Variants in CNNM4 observed in about 807,000 individuals in gnomAD.
CNNM4 encodes metal transporter CNNM4.
A neutral mutation model predicts 53.7 loss-of-function variants in CNNM4; 32 were observed. The ratio of observed to expected loss-of-function variants is 0.60; its 90% CI spans 0.45 to 0.80. The LOEUF (loss-of-function observed/expected upper bound fraction) is 0.80, where lower values mean the gene tolerates loss of function less well. Among genes scored for constraint, CNNM4 ranks in the 30% least tolerant of loss-of-function variants. The probability of loss-of-function intolerance (pLI) is 0.00; values close to 1 mark genes in which losing one functional copy is unlikely to be tolerated. For synonymous variants in CNNM4, 410 were observed against 440.0 expected (o/e 0.93, Z 0.85); for missense variants, 784 against 1,022.0 (o/e 0.77, Z 3.17).
rs56190267 is a variant in CNNM4, at chr2:96,762,163, C to T, written c.1164C>T (p.Ser388=). ...TCCAGGACTGCTTCATGATCCGCAGCGATGCCATCCTGGACTTCAACACCA... is the reference window on the plus strand; with the variant it reads ...TCCAGGACTGCTTCATGATCCGCAGTGATGCCATCCTGGACTTCAACACCA... ...TQLQDCFMIR[S]DAILDFNTMS... Residue 388 remains serine (S), a synonymous_variant, in exon 1 of 7, where the codon AGC becomes AGT. Coordinates refer to ENST00000377075, the MANE Select transcript of CNNM4 (RefSeq NM_020184.4). The T allele has an allele frequency of 3.1e-6, 5 of 1,614,154 alleles. No homozygotes were observed. In the East Asian group the frequency reaches 1.1e-4, roughly 36 times the overall value.
chr2:96,772,944 C>T (rs1003736880), intron 1 of CNNM4, among the ~76,000 whole-genome samples: 1 of 151,876 alleles, frequency 6.6e-6, no homozygotes, highest in Admixed American at 6.6e-5. Context: ...CACAAAGGCA[C>T]AGGCAGGTGC....
At position 96,797,438 on chromosome 2, in the gene CNNM4, C is replaced by T; in HGVS notation, c.1547-75C>T. ...GGGACTAGGGGCTGGAGAGCAGGAGCTGCGGGGCGGGTTCCAGTCTCTTCC... is the reference window on the plus strand; with the variant it reads ...GGGACTAGGGGCTGGAGAGCAGGAGTTGCGGGGCGGGTTCCAGTCTCTTCC... On this transcript the variant is annotated intron_variant, in intron 2 of 6. Coordinates refer to ENST00000377075, the MANE Select transcript of CNNM4 (RefSeq NM_020184.4). This position sits in a 1 kb window ranked among gnomAD's most constrained non-coding sequence, Gnocchi z 6.0. 2.5e-6 allele frequency: 4 copies of T among 1,588,914 alleles called. No homozygotes were observed. Among genetic ancestry groups the T allele is most frequent in the Non-Finnish European group, 3.4e-6 (4 of 1,166,624 alleles).
chr2:96,775,030 GGCTAAAAAAT>G (rs895926395), intron 1 of CNNM4, among the ~76,000 whole-genome samples: 7 of 136,154 alleles, frequency 5.1e-5, no homozygotes, highest in African/African-American at 8.1e-5. Flanking sequence ...AGTAAGTTCA[GGCTAAAAAAT>G]GCTAAAAAAT....
At chr2:96,770,438 C>T (rs1194760628) in intron 1 of CNNM4, among the ~76,000 whole-genome samples, 1 of 152,154 alleles carries the variant, frequency 6.6e-6, no homozygotes, top group East Asian at 1.9e-4. Context: ...AAGTAAAAGT[C>T]TGGGAAGACA....
chr2:96,792,016 G>T (rs1445553051), intron 1 of CNNM4, among the ~76,000 whole-genome samples: 2 of 152,028 alleles, frequency 1.3e-5, no homozygotes. Context: ...CACTTTGGGA[G>T]GCCGAGGTGG....
intron 1 of CNNM4, among the ~76,000 whole-genome samples, chr2:96,773,790 C>T (rs2078899605): frequency 6.7e-6 from 1 of 149,738 alleles, no homozygotes; most frequent in Non-Finnish European, 1.5e-5. Context: ...TTGCAGTGAG[C>T]CAAGATCATG....
chr2:96,795,017 C>G (rs2079090599), intron 1 of CNNM4, among the ~76,000 whole-genome samples: 1 of 152,254 alleles, frequency 6.6e-6, no homozygotes, highest in Non-Finnish European at 1.5e-5. Context: ...TTCAGATTTT[C>G]AGATTTGGGA....
Position 96,761,043 on chromosome 2 carries a change from C to T in CNNM4, c.44C>T (p.Ala15Val). The T allele has an allele frequency of 8.1e-7, 1 of 1,230,322 alleles. No homozygotes were observed. Among genetic ancestry groups the T allele is most frequent in the Admixed American group, 4.3e-5 (1 of 23,198 alleles). 76.2% of individuals were successfully genotyped at this position (1,230,322 alleles called of 1,614,324 possible). ...GGCGGGCGCCCGGTCGGCGGACCGG[C>T]CCGCGGGCGCCTCCTCCTGGCGGCG... ...GGGGRPVGGP[A>V]RGRLLLAAPV... Residue 15 changes from alanine (A) to valine (V), a missense_variant, in exon 1 of 7, where the codon GCC (alanine) becomes GTC (valine). Physicochemically the swap from Ala to Val is moderately conservative, Grantham distance 64. This residue lies in a region of CNNM4 where 473 missense variants were observed against 624.6 expected (regional missense o/e 0.76). Coordinates refer to ENST00000377075, the MANE Select transcript of CNNM4 (RefSeq NM_020184.4). The surrounding 1 kb of genome is among the most constrained non-coding windows in gnomAD (Gnocchi z 6.0).
chr2:96,789,271 C>T (rs943600235), intron 1 of CNNM4, among the ~76,000 whole-genome samples: 2 of 152,188 alleles, frequency 1.3e-5, no homozygotes, highest in Non-Finnish European at 2.9e-5. Flanking sequence ...GGCTAACACC[C>T]AGGGCTAACG....
At chr2:96,770,863 G>T (rs1258593222) in intron 1 of CNNM4, among the ~76,000 whole-genome samples, 1 of 152,222 alleles carries the variant, frequency 6.6e-6, no homozygotes. Flanking sequence ...CCTGGGCCAG[G>T]CCTCTGTCGC....
intron 1 of CNNM4, 102 bp downstream of exon 1, chr2:96,762,503 C>G (rs2153342112): frequency 2.6e-6 from 3 of 1,140,430 alleles, no homozygotes; most frequent in Non-Finnish European, 3.9e-6. Flanking sequence ...TTGTGTGACT[C>G]TGTGTCCCTT....
rs1289281545 is a variant in CNNM4, at chr2:96,762,104, C to A, written c.1105C>A (p.Arg369=). 5 of 1,614,068 alleles carry A rather than the reference C, an allele frequency of 3.1e-6. No individual in the cohort carries two copies. Among genetic ancestry groups the A allele is most frequent in the Non-Finnish European group, 3.4e-6 (4 of 1,180,014 alleles). ...TATGATCCAGGGTGCCCTGGAACTA[C>A]GGACCAAAACTGTAGAGGATATCAT... ...LNMIQGALEL[R]TKTVEDIMTQ... The change falls in exon 1 of 7, where the codon CGG becomes AGG. Residue 369 remains arginine (R), a synonymous_variant. Transcript: ENST00000377075.
intron 1 of CNNM4, among the ~76,000 whole-genome samples, chr2:96,766,100 CTTT>C (rs559702736): frequency 9.0e-6 from 1 of 110,520 alleles, no homozygotes; most frequent in Non-Finnish European, 1.9e-5. Context: ...TTTTTCTTTT[CTTT>C]TTTTTTTTTT....
At chr2:96,806,828 C>G (rs1043050108) in intron 5 of CNNM4, among the ~76,000 whole-genome samples, 1 of 152,076 alleles carries the variant, frequency 6.6e-6, no homozygotes, top group African/African-American at 2.4e-5. Context: ...AAATAAGAAG[C>G]CCATTCTTCC....
intron 1 of CNNM4, among the ~76,000 whole-genome samples, chr2:96,782,095 C>T (rs962607723): frequency 3.2e-4 from 48 of 152,146 alleles, no homozygotes; most frequent in Non-Finnish European, 6.3e-4. Context: ...AACTTAGTGT[C>T]ATTATTCTAT....
intron 1 of CNNM4, among the ~76,000 whole-genome samples, chr2:96,796,198 G>A (rs2079102102): frequency 7.5e-6 from 1 of 132,790 alleles, no homozygotes; most frequent in South Asian, 2.4e-4. Flanking sequence ...AGGCTGGAGT[G>A]CAGTGGCGTG....
Position 96,797,779 on chromosome 2 carries a change from C to A in CNNM4, c.1681+132C>A. On this transcript the variant is annotated intron_variant, in intron 3 of 6. Coordinates refer to ENST00000377075, the MANE Select transcript of CNNM4 (RefSeq NM_020184.4). The surrounding 1 kb of genome is among the most constrained non-coding windows in gnomAD (Gnocchi z 6.0). ...GGGGTGCAGAGACAACACAGCCACC[C>A]CTGGAAGGGGCCGGGTATCTGCTCC... 2.4e-6 allele frequency: 3 copies of A among 1,257,366 alleles called. No homozygotes were observed. The highest frequency in any genetic ancestry group is 3.4e-6 in the Non-Finnish European group (3 of 891,932). 77.9% of individuals were successfully genotyped at this position (1,257,366 alleles called of 1,614,324 possible). A position where few individuals can be genotyped will look rare whatever the true frequency, so the allele number is the denominator to read the frequency against.
Position 96,797,447 on chromosome 2 carries a change from G to A in CNNM4, c.1547-66G>A, listed in dbSNP as rs1168368291. 4.4e-6 allele frequency: 7 copies of A among 1,600,082 alleles called. No individual in the cohort carries two copies. Among genetic ancestry groups the A allele is most frequent in the Middle Eastern group, 1.6e-4 (1 of 6,068 alleles). On this transcript the variant is annotated intron_variant, in intron 2 of 6. Coordinates refer to ENST00000377075, the MANE Select transcript of CNNM4 (RefSeq NM_020184.4). This position sits in a 1 kb window ranked among gnomAD's most constrained non-coding sequence, Gnocchi z 6.0. ...GGCTGGAGAGCAGGAGCTGCGGGGC[G>A]GGTTCCAGTCTCTTCCTAAGTCCTC...
At chr2:96,802,037 A>G (rs2079164388) in intron 5 of CNNM4, among the ~76,000 whole-genome samples, 1 of 151,628 alleles carries the variant, frequency 6.6e-6, no homozygotes, top group South Asian at 2.1e-4. Flanking sequence ...ACCCATAGGC[A>G]CACACACAGA....
Sources: allele counts gnomAD v4.1 joint callset (sites outside exome capture counted in the v4.1 genomes callset), GRCh38; gene constraint gnomAD v4.1.1; regional missense constraint gnomAD v4.1.1; non-coding constraint Gnocchi (gnomAD v3.1); transcripts MANE v1.5; gene names NCBI Gene and HGNC (gene_info 2026-07-23, HGNC 2026-07-21).